ARHGEF18: variants seen among roughly 807,000 people sequenced by gnomAD.
The protein encoded by ARHGEF18 is Rho/Rac guanine nucleotide exchange factor 18.
Under a neutral mutation model 155.7 loss-of-function variants are expected in ARHGEF18, and 93 were observed. The ratio of observed to expected loss-of-function variants is 0.60; its 90% CI spans 0.50 to 0.71. The LOEUF (loss-of-function observed/expected upper bound fraction) is 0.71, where lower values mean the gene tolerates loss of function less well. Among genes scored for constraint, ARHGEF18 ranks in the 30% least tolerant of loss-of-function variants. The pLI, the probability that ARHGEF18 is intolerant of heterozygous loss-of-function variation, is 0.00. For synonymous variants in ARHGEF18, 742 were observed against 753.1 expected, an observed-to-expected ratio of 0.99 and a Z score of 0.24; for missense variants, 1,593 against 1,816.1, an observed-to-expected ratio of 0.88 and a Z score of 2.23.
intron 10 of ARHGEF18, among the ~76,000 whole-genome samples, chr19:7,385,973 CCTCTCTCCCTCTCTCT>C (rs1568286177): frequency 4.2e-5 from 3 of 72,044 alleles, no homozygotes; most frequent in African/African-American, 5.8e-5. Context: ...CCCCTCTCTC[CCTCTCTCCCTCTCTCT>C]CTCTCTCCCT....
chr19:7,358,596 C>T (rs1179484594), intron 1 of ARHGEF18, among the ~76,000 whole-genome samples: 4 of 152,298 alleles, frequency 2.6e-5, no homozygotes, highest in African/African-American at 7.2e-5. Context: ...ATTTATCTAC[C>T]CATTTATCCA....
intron 10 of ARHGEF18, among the ~76,000 whole-genome samples, chr19:7,392,227 T>G (rs1303682443): frequency 3.5e-5 from 4 of 113,714 alleles, no homozygotes; most frequent in Admixed American, 1.1e-4. Context: ...GGCAACAGAG[T>G]GAGACTCCGT....
chr19:7,429,930 C>CT (rs899823220), intron 10 of ARHGEF18, among the ~76,000 whole-genome samples: 54 of 144,584 alleles, frequency 3.7e-4, no homozygotes, highest in Admixed American at 1.2e-3. Context: ...CCTGGAAGTA[C>CT]TTTTTTTTTT....
chr19:7,381,859 C>T (rs886986103), intron 8 of ARHGEF18, among the ~76,000 whole-genome samples: 1 of 152,114 alleles, frequency 6.6e-6, no homozygotes, highest in Non-Finnish European at 1.5e-5. Flanking sequence ...CTCTCTCACT[C>T]ACTCATTCAT....
At chr19:7,456,185 A>G in intron 17 of ARHGEF18, 142 bp from the exon 18 acceptor site, 1 of 762,258 alleles carries the variant, frequency 1.3e-6, no homozygotes, top group Non-Finnish European at 2.3e-6. Context: ...GGGTGCAGGC[A>G]AGGCAGAAAG....
At chr19:7,414,564 A>G (rs1043033040) in intron 10 of ARHGEF18, among the ~76,000 whole-genome samples, 15 of 152,038 alleles carry the variant, frequency 9.9e-5, no homozygotes, top group African/African-American at 2.9e-4. Context: ...TAATTCCAGC[A>G]CTTTGGGAAG....
Position 7,408,227 on chromosome 19 carries a change from G to T in ARHGEF18, c.967+25024G>T, listed in dbSNP as rs542014922. ...CGGGAGGTTGAAGTTGCAGTGAGCC[G>T]AAATCGCACCACTGCCTCCAGCCTG... is the stretch of plus-strand genomic sequence containing the variant. On this transcript the variant is annotated intron_variant, in intron 10 of 28. Coordinates refer to ENST00000668164, the MANE Select transcript of ARHGEF18 (RefSeq NM_001367823.1). Among the ~76,000 whole-genome samples, 4 of 152,118 alleles carry T rather than the reference G, an allele frequency of 2.6e-5. No homozygotes were observed. In the South Asian group the frequency reaches 8.3e-4, roughly 32 times the overall value.
rs1467083575 is a variant in ARHGEF18 at position 7,444,785 on chromosome 19, A to G, written c.1611+331A>G. Among the ~76,000 whole-genome samples, 1 of 152,160 alleles carries G rather than the reference A, an allele frequency of 6.6e-6. No homozygotes were observed. The highest frequency in any genetic ancestry group is 1.9e-4 in the East Asian group (1 of 5,194). On this transcript the variant is annotated intron_variant, in intron 14 of 28. Transcript: ENST00000668164. This position sits in a 1 kb window ranked among gnomAD's most constrained non-coding sequence, Gnocchi z 4.7. ...CAGCCTTCCACGTAGCTGGGACTCC[A>G]GGGAACACCATGCCTGGCTAACTTT...
At chr19:7,408,215 T>A (rs1972456333) in intron 10 of ARHGEF18, among the ~76,000 whole-genome samples, 1 of 152,084 alleles carries the variant, frequency 6.6e-6, no homozygotes, top group African/African-American at 2.4e-5. Context: ...GAGGTTGAAG[T>A]TGCAGTGAGC....
chr19:7,432,323 A>C (rs1295313670), intron 10 of ARHGEF18, among the ~76,000 whole-genome samples: 1 of 152,156 alleles, frequency 6.6e-6, no homozygotes, highest in Non-Finnish European at 1.5e-5. Flanking sequence ...GCCAGGTTGC[A>C]CTCTCAGCCT....
At chr19:7,373,403 T>C (rs1421639591) in intron 3 of ARHGEF18, among the ~76,000 whole-genome samples, 2 of 152,040 alleles carry the variant, frequency 1.3e-5, no homozygotes, top group African/African-American at 2.4e-5. Flanking sequence ...CAGTCCATTC[T>C]GGGGGTGATG....
intron 16 of ARHGEF18, among the ~76,000 whole-genome samples, chr19:7,452,070 C>T (rs1478889475): frequency 6.6e-6 from 1 of 152,206 alleles, no homozygotes; most frequent in African/African-American, 2.4e-5. Flanking sequence ...TGGTCAGCAC[C>T]ATGAAAGCAG....
Position 7,456,439 on chromosome 19 carries a change from G to A in ARHGEF18, c.2181+36G>A, listed in dbSNP as rs1975834911. 5.0e-6 allele frequency: 8 copies of A among 1,595,478 alleles called. No individual in the cohort carries two copies. In the African/African-American group the frequency reaches 8.0e-5, roughly 16 times the overall value. Reference sequence around the variant, plus strand: ...TGTCTCTTCAGACGAAGGGTCGGCTGGGTGCTGTGGCTCACGTCTATAATC... The same window carrying A: ...TGTCTCTTCAGACGAAGGGTCGGCTAGGTGCTGTGGCTCACGTCTATAATC... On this transcript the variant is annotated intron_variant, in intron 18 of 28. Coordinates refer to ENST00000668164, the MANE Select transcript of ARHGEF18 (RefSeq NM_001367823.1).
chr19:7,378,535 G>A, intron 6 of ARHGEF18, 84 bp downstream of exon 6: 3 of 1,135,590 alleles, frequency 2.6e-6, no homozygotes, highest in Non-Finnish European at 2.2e-6. Context: ...CTGCCAGGGT[G>A]CAGTGTTGCT....
intron 10 of ARHGEF18, among the ~76,000 whole-genome samples, chr19:7,388,338 C>T (rs1179725696): frequency 6.6e-6 from 1 of 151,858 alleles, no homozygotes; most frequent in Non-Finnish European, 1.5e-5. Context: ...AGGTGATCCT[C>T]CCACCTATGC....
rs1366888570 is a variant in ARHGEF18, at chr19:7,376,726, G to A, written c.510G>A (p.Pro170=). ...FYEIRSPEIS[P]GLEVPTPPVQ... is the part of the protein sequence containing the mutation. ...AGATCCGCTCTCCGGAAATCTCTCC[G>A]GGTTTGGAAGTGCCCACTCCACCTG... Residue 170 remains proline, a synonymous_variant, in exon 5 of 29, where the codon CCG becomes CCA. Coordinates refer to ENST00000668164, the MANE Select transcript of ARHGEF18 (RefSeq NM_001367823.1). 7.3e-6 allele frequency: 9 copies of A among 1,234,298 alleles called. No homozygotes were observed. The highest frequency in any genetic ancestry group is 4.2e-5 in the Admixed American group (1 of 23,702). 76.5% of individuals were successfully genotyped at this position (1,234,298 alleles called of 1,614,324 possible). A position where few individuals can be genotyped will look rare whatever the true frequency, so the allele number is the denominator to read the frequency against.
At chr19:7,464,512 T>A in intron 22 of ARHGEF18, 48 bp from the exon 23 acceptor site, 1 of 1,565,578 alleles carries the variant, frequency 6.4e-7, no homozygotes, top group Non-Finnish European at 8.7e-7. Flanking sequence ...AGCTTCCCCC[T>A]CCCCACGGGA....
chr19:7,456,907 T>G lies in ARHGEF18; in HGVS notation c.2181+504T>G, dbSNP rs78598847. 7.2e-4 allele frequency among the ~76,000 whole-genome samples: 109 copies of G among 152,222 alleles called. No homozygotes were observed. In the East Asian group the frequency reaches 0.021, roughly 29 times the overall value. ...CCGCCACCACGCCTGGCTAATTTTT[T>G]GTATTTTTAGTAGAGACGGGGTTTC... is the stretch of plus-strand genomic sequence containing the variant. On this transcript the variant is annotated intron_variant, in intron 18 of 28. Coordinates refer to ENST00000668164, the MANE Select transcript of ARHGEF18 (RefSeq NM_001367823.1).
At chr19:7,371,556 C>T (rs1361102679) in intron 2 of ARHGEF18, among the ~76,000 whole-genome samples, 1 of 152,082 alleles carries the variant, frequency 6.6e-6, no homozygotes, top group Non-Finnish European at 1.5e-5. Flanking sequence ...AGTGGTGGCA[C>T]ATGTCTGTAG....
Sources: allele counts gnomAD v4.1 joint callset (sites outside exome capture counted in the v4.1 genomes callset), GRCh38; gene constraint gnomAD v4.1.1; non-coding constraint Gnocchi (gnomAD v3.1); transcripts MANE v1.5; gene names NCBI Gene and HGNC (gene_info 2026-07-23, HGNC 2026-07-21).